Variants in MLLT3 observed in about 807,000 individuals in gnomAD.
MLLT3 encodes MLLT3 super elongation complex subunit.
Under a neutral mutation model 53.2 loss-of-function variants are expected in MLLT3, and 4 were observed. The ratio of observed to expected loss-of-function variants is 0.08; its 90% CI spans 0.04 to 0.17. The LOEUF is 0.17. Ranked by LOEUF, MLLT3 falls within the 10% of genes least tolerant of loss-of-function variation. The pLI, the probability that MLLT3 is intolerant of heterozygous loss-of-function variation, is 1.00. For synonymous variants in MLLT3, 283 were observed against 230.6 expected, an observed-to-expected ratio of 1.23 and a Z score of -2.06; for missense variants, 569 against 684.0, an observed-to-expected ratio of 0.83 and a Z score of 1.87.
intron 2 of MLLT3, among the ~76,000 whole-genome samples, chr9:20,480,719 C>G (rs948460161): frequency 2.6e-5 from 4 of 152,214 alleles, no homozygotes; most frequent in African/African-American, 9.6e-5. Context: ...CACTAATGCA[C>G]TGACTCACCG....
At position 20,413,704 on chromosome 9, in the gene MLLT3, C is replaced by G. The variant is rs879158473; in HGVS notation, c.1125+17G>C. ...TGAAAATAAGGGAAAGGAAGAAAGC[C>G]AGTAAGAACTACTCACATCAGATTT... is the stretch of plus-strand genomic sequence containing the variant. On this transcript the variant is annotated intron_variant, in intron 5 of 10. Coordinates refer to ENST00000380338, the MANE Select transcript of MLLT3 (RefSeq NM_004529.4). 1 of 1,533,968 alleles carries G rather than the reference C, an allele frequency of 6.5e-7. No individual in the cohort carries two copies. Among genetic ancestry groups the G allele is most frequent in the Non-Finnish European group, 8.7e-7 (1 of 1,144,910 alleles).
intron 2 of MLLT3, among the ~76,000 whole-genome samples, chr9:20,516,558 A>G (rs1337311019): frequency 6.6e-6 from 1 of 152,222 alleles, no homozygotes; most frequent in East Asian, 1.9e-4. Context: ...AATACTATAA[A>G]GTTTATTTGC....
At chr9:20,508,596 GAACA>G (rs1011810118) in intron 2 of MLLT3, among the ~76,000 whole-genome samples, 2 of 152,128 alleles carry the variant, frequency 1.3e-5, no homozygotes, top group African/African-American at 4.8e-5. Context: ...AGATGGGTAA[GAACA>G]AACCACTGCT....
intron 4 of MLLT3, among the ~76,000 whole-genome samples, chr9:20,431,181 T>G (rs1020787186): frequency 5.3e-5 from 8 of 152,134 alleles, no homozygotes; most frequent in Non-Finnish European, 1.0e-4. Context: ...GACCCAGCAA[T>G]TTTATTCATA....
chr9:20,576,589 G>A (rs1819659137), intron 2 of MLLT3, among the ~76,000 whole-genome samples: 1 of 152,124 alleles, frequency 6.6e-6, no homozygotes. Context: ...GAGCAGTGGA[G>A]CAGTCAGAAC....
At chr9:20,598,710 T>C (rs888501630) in intron 2 of MLLT3, among the ~76,000 whole-genome samples, 1 of 152,234 alleles carries the variant, frequency 6.6e-6, no homozygotes, top group Non-Finnish European at 1.5e-5. Context: ...TGATAGACAG[T>C]ACACTTCTAA....
intron 2 of MLLT3, among the ~76,000 whole-genome samples, chr9:20,491,236 C>T (rs879656844): frequency 1.3e-5 from 2 of 151,986 alleles, no homozygotes; most frequent in Non-Finnish European, 2.9e-5. Flanking sequence ...TCAAAGGCTA[C>T]GTTTTAACAT....
intron 2 of MLLT3, among the ~76,000 whole-genome samples, chr9:20,574,181 C>G (rs1819598249): frequency 6.6e-6 from 1 of 152,068 alleles, no homozygotes; most frequent in Non-Finnish European, 1.5e-5. Context: ...GGTGATAATG[C>G]CCGGACTAAC....
At chr9:20,492,735 C>T (rs899195812) in intron 2 of MLLT3, among the ~76,000 whole-genome samples, 2 of 151,830 alleles carry the variant, frequency 1.3e-5, no homozygotes, top group African/African-American at 2.4e-5. Context: ...AAAGAATTCG[C>T]CTGAAAACTA....
intron 2 of MLLT3, among the ~76,000 whole-genome samples, chr9:20,552,917 C>T (rs943609681): frequency 6.6e-6 from 1 of 152,036 alleles, no homozygotes; most frequent in East Asian, 1.9e-4. Flanking sequence ...TTTTTATATG[C>T]TTATCAAAAA....
intron 2 of MLLT3, among the ~76,000 whole-genome samples, chr9:20,500,800 C>G (rs12000230): frequency 6.6e-6 from 1 of 152,194 alleles, no homozygotes; most frequent in African/African-American, 2.4e-5. Context: ...AAGTTACTTA[C>G]CACAGGTCAT....
intron 2 of MLLT3, among the ~76,000 whole-genome samples, chr9:20,612,669 A>T (rs898648331): frequency 2.6e-5 from 4 of 151,992 alleles, no homozygotes; most frequent in African/African-American, 9.7e-5. Context: ...GTCAATAAAG[A>T]GGAAATCAAA....
At chr9:20,597,193 T>C (rs1354184816) in intron 2 of MLLT3, among the ~76,000 whole-genome samples, 2 of 152,066 alleles carry the variant, frequency 1.3e-5, no homozygotes, top group African/African-American at 4.8e-5. Flanking sequence ...AGTACCTCAA[T>C]TCATAGGGAT....
chr9:20,501,239 T>C (rs1563789308), intron 2 of MLLT3, among the ~76,000 whole-genome samples: 2 of 152,184 alleles, frequency 1.3e-5, no homozygotes, highest in African/African-American at 4.8e-5. Flanking sequence ...TCATTCTCCA[T>C]AAAATGTAAT....
At chr9:20,435,430 G>T (rs551667685) in intron 4 of MLLT3, among the ~76,000 whole-genome samples, 1 of 152,100 alleles carries the variant, frequency 6.6e-6, no homozygotes, top group South Asian at 2.1e-4. Flanking sequence ...GTTGACCAAG[G>T]GTTAAGGCTT....
rs1391898021 is a variant in MLLT3 at position 20,456,796 on chromosome 9, TA to T, written c.194-11del. 2 of 1,553,724 alleles carry T rather than the reference TA, an allele frequency of 1.3e-6. No individual in the cohort carries two copies. The highest frequency in any genetic ancestry group is 1.2e-5 in the South Asian group (1 of 83,616). ...GGTGGATCTTTGCACACTGCAACAT[TA>T]AAAAAGAAAATAGGTAAGATGAGAA... On this transcript the variant is annotated splice_polypyrimidine_tract_variant and intron_variant, in intron 2 of 10. Transcript: ENST00000380338.
intron 2 of MLLT3, among the ~76,000 whole-genome samples, chr9:20,577,788 T>C (rs1436663183): frequency 6.6e-6 from 1 of 152,236 alleles, no homozygotes. Flanking sequence ...ACACACCATT[T>C]TGCCAGCTAG....
At chr9:20,439,019 A>C (rs1428617396) in intron 4 of MLLT3, among the ~76,000 whole-genome samples, 1 of 151,438 alleles carries the variant, frequency 6.6e-6, no homozygotes, top group African/African-American at 2.4e-5. Context: ...ATATTTGCAA[A>C]GACAAGCTGC....
chr9:20,449,355 G>C (rs781003852), intron 3 of MLLT3, among the ~76,000 whole-genome samples: 14 of 152,092 alleles, frequency 9.2e-5, no homozygotes, highest in African/African-American at 1.7e-4. Flanking sequence ...GGACAAAATA[G>C]CATCCTATGC....
Sources: allele counts gnomAD v4.1 joint callset (sites outside exome capture counted in the v4.1 genomes callset), GRCh38; gene constraint gnomAD v4.1.1; transcripts MANE v1.5; gene names NCBI Gene and HGNC (gene_info 2026-07-23, HGNC 2026-07-21).